Variants in GALNT13 observed in about 807,000 individuals in gnomAD.
The protein encoded by GALNT13 is UDP-GalNAc:polypeptide N-acetylgalactosaminyltransferase 13.
In GALNT13, 28 loss-of-function variants were observed where a neutral mutation model predicts 64.2. That is an observed-to-expected ratio of 0.44 (90% CI 0.32 to 0.60). GALNT13 has a LOEUF of 0.60. Ranked by LOEUF, GALNT13 falls within the 20% of genes least tolerant of loss-of-function variation. The pLI is 0.05. For synonymous variants in GALNT13, 214 were observed against 224.6 expected (o/e 0.95, Z 0.42); for missense variants, 577 against 669.8 (o/e 0.86, Z 1.53).
At chr2:153,214,503 T>C in the GALNT13 span, among the ~76,000 whole-genome samples, 1 of 152,166 alleles carries the variant, frequency 6.6e-6, no homozygotes, top group Admixed American at 6.5e-5. Flanking sequence ...GAAAAACAGA[T>C]TGCATGCCAT....
At chr2:153,214,178 G>A in the GALNT13 span, among the ~76,000 whole-genome samples, 438 of 152,168 alleles carry the variant, frequency 2.9e-3, 1 homozygote, top group African/African-American at 0.01. Flanking sequence ...AAATGTTGGA[G>A]AGGGCCCTGG....
the GALNT13 span, among the ~76,000 whole-genome samples, chr2:153,299,553 A>G: frequency 1.3e-5 from 2 of 152,240 alleles, no homozygotes; most frequent in African/African-American, 4.8e-5. Context: ...TCGAAGATGC[A>G]GCAGAGAGCT....
At chr2:153,747,689 A>C in the GALNT13 span, among the ~76,000 whole-genome samples, 1 of 151,934 alleles carries the variant, frequency 6.6e-6, no homozygotes, top group Non-Finnish European at 1.5e-5. Flanking sequence ...GGCCTCCCAA[A>C]GTGCTGGGAT....
At chr2:154,091,082 A>G (rs1276137298) in intron 3 of GALNT13, among the ~76,000 whole-genome samples, 4 of 151,966 alleles carry the variant, frequency 2.6e-5, no homozygotes, top group African/African-American at 4.8e-5. Flanking sequence ...TTGTGATAAT[A>G]TGCAGTAACT....
the GALNT13 span, among the ~76,000 whole-genome samples, chr2:153,379,890 T>G: frequency 2.3e-3 from 348 of 152,182 alleles, 2 homozygotes; most frequent in African/African-American, 8.1e-3. Context: ...GATAGATATA[T>G]CCATAAAGAA....
the GALNT13 span, among the ~76,000 whole-genome samples, chr2:153,342,409 A>C: frequency 6.6e-6 from 1 of 152,220 alleles, no homozygotes; most frequent in Non-Finnish European, 1.5e-5. Flanking sequence ...CACTGTCTGC[A>C]CTAAATGACT....
At chr2:153,867,914 C>A (rs1176302332), upstream of GALNT13, among the ~76,000 whole-genome samples, 1 of 152,130 alleles carries the variant, frequency 6.6e-6, no homozygotes, top group Non-Finnish European at 1.5e-5. Context: ...ACAGATGAAG[C>A]TTCACTGGCT....
At chr2:153,891,311 G>T (rs1687536379) in intron 1 of GALNT13, among the ~76,000 whole-genome samples, 2 of 151,988 alleles carry the variant, frequency 1.3e-5, no homozygotes, top group Admixed American at 1.3e-4. Context: ...TTTCCCAGTA[G>T]GATAGTTGAA....
chr2:154,160,650 AT>A (rs1403411423), intron 4 of GALNT13, among the ~76,000 whole-genome samples: 4 of 152,258 alleles, frequency 2.6e-5, no homozygotes, highest in African/African-American at 9.6e-5. Flanking sequence ...TTTTATGGCC[AT>A]TAAACATTTT....
chr2:154,438,519 C>T (rs1019151230), intron 11 of GALNT13, 73 bp from the exon 12 acceptor site: 1 of 1,139,230 alleles, frequency 8.8e-7, no homozygotes, highest in East Asian at 2.4e-5. Context: ...ACGAAAGCTT[C>T]CCTGGATAGA....
At chr2:153,929,461 G>A (rs1690360796) in intron 2 of GALNT13, among the ~76,000 whole-genome samples, 1 of 152,150 alleles carries the variant, frequency 6.6e-6, no homozygotes, top group Non-Finnish European at 1.5e-5. Flanking sequence ...AATGAGAATA[G>A]TACACAAAAG....
chr2:154,293,734 C>T (rs1284792081), intron 8 of GALNT13, among the ~76,000 whole-genome samples: 1 of 152,022 alleles, frequency 6.6e-6, no homozygotes, highest in African/African-American at 2.4e-5. Flanking sequence ...TCATAATGTT[C>T]CTTCTTTCTT....
the GALNT13 span, among the ~76,000 whole-genome samples, chr2:153,135,563 G>A: frequency 6.6e-6 from 1 of 151,908 alleles, no homozygotes; most frequent in Admixed American, 6.6e-5. Context: ...ATAATGCTAG[G>A]GAAGAAAAAA....
the GALNT13 span, among the ~76,000 whole-genome samples, chr2:153,517,432 T>A: frequency 6.6e-6 from 1 of 152,110 alleles, no homozygotes; most frequent in Admixed American, 6.6e-5. Context: ...CAAGAAAATA[T>A]AGTATGAGGT....
chr2:153,419,039 T>C, the GALNT13 span, among the ~76,000 whole-genome samples: 1 of 152,134 alleles, frequency 6.6e-6, no homozygotes, highest in Non-Finnish European at 1.5e-5. Flanking sequence ...ATGACTTGGA[T>C]GGTGTATTAG....
the GALNT13 span, among the ~76,000 whole-genome samples, chr2:153,782,419 T>A: frequency 6.6e-6 from 1 of 152,152 alleles, no homozygotes; most frequent in Admixed American, 6.5e-5. Context: ...TAATGAATAC[T>A]GTAGGAAATT....
intron 3 of GALNT13, among the ~76,000 whole-genome samples, chr2:153,966,135 A>T (rs1329433064): frequency 6.6e-6 from 1 of 150,744 alleles, no homozygotes; most frequent in African/African-American, 2.4e-5. Flanking sequence ...TGATGTTGAA[A>T]TTCTCCCTCT....
At chr2:153,526,039 T>C in the GALNT13 span, among the ~76,000 whole-genome samples, 2 of 152,184 alleles carry the variant, frequency 1.3e-5, no homozygotes, top group Non-Finnish European at 2.9e-5. Flanking sequence ...TGCAGTACAA[T>C]AGAACACCAG....
At chr2:153,110,904 G>A in the GALNT13 span, among the ~76,000 whole-genome samples, 2 of 152,020 alleles carry the variant, frequency 1.3e-5, no homozygotes, top group African/African-American at 4.8e-5. Flanking sequence ...TCCTAAACAA[G>A]GTTCTTTCAA....
Sources: gnomAD v4.1 joint callset for allele counts (sites outside exome capture counted in the v4.1 genomes callset) on GRCh38, gnomAD v4.1.1 for gene constraint, MANE v1.5 for transcripts, NCBI Gene and HGNC (gene_info 2026-07-23, HGNC 2026-07-21) for gene names.